The following DAB2IP variants were observed in gnomAD, a reference collection of about 807,000 sequenced individuals.
The protein encoded by DAB2IP is DAB2 interacting protein.
A neutral mutation model predicts 107.2 loss-of-function variants in DAB2IP; 28 were observed. The observed-to-expected ratio is 0.26, with a 90% CI of 0.19 to 0.36. The LOEUF (loss-of-function observed/expected upper bound fraction) is 0.36. Ranked by LOEUF, DAB2IP falls within the 10% of genes least tolerant of loss-of-function variation. The pLI is 1.00. For synonymous variants in DAB2IP, 755 were observed against 706.4 expected (o/e 1.07, Z -1.09); for missense variants, 1,400 against 1,644.7 (o/e 0.85, Z 2.57).
intron 1 of DAB2IP, among the ~76,000 whole-genome samples, chr9:121,653,434 A>G (rs1402376899): frequency 6.6e-6 from 1 of 151,980 alleles, no homozygotes; most frequent in Admixed American, 6.6e-5. Context: ...GGTCTGGGAG[A>G]CCGGGAATCT....
chr9:121,588,541 A>G, intron 1 of DAB2IP, among the ~76,000 whole-genome samples: 2 of 109,908 alleles, frequency 1.8e-5, no homozygotes, highest in African/African-American at 6.8e-5. Flanking sequence ...GGAAGGGGGA[A>G]AGGGGAAGGG....
upstream of DAB2IP, among the ~76,000 whole-genome samples, chr9:121,650,661 TTAA>T (rs1832707653): frequency 6.6e-6 from 1 of 152,200 alleles, no homozygotes; most frequent in African/African-American, 2.4e-5. Context: ...GGCAGGTGTC[TTAA>T]TAATTTAAAC....
rs542299312 is a variant in DAB2IP at position 121,575,623 on chromosome 9, C to G, written c.40+8395C>G. Among the ~76,000 whole-genome samples the G allele has an allele frequency of 2.0e-5, 3 of 152,258 alleles. No individual in the cohort carries two copies. In the East Asian group the frequency reaches 5.8e-4, roughly 29 times the overall value. On this transcript the variant is annotated intron_variant, in intron 1 of 16. Coordinates refer to the DAB2IP transcript ENST00000259371. ...ATGGCTGCCACAGCCCTCCTTATTC[C>G]AAAGAGGCAGGTGGACCCCACACAT... is the stretch of plus-strand genomic sequence containing the variant.
At chr9:121,632,551 C>T (rs1831934909) in intron 1 of DAB2IP, among the ~76,000 whole-genome samples, 1 of 152,158 alleles carries the variant, frequency 6.6e-6, no homozygotes, top group Non-Finnish European at 1.5e-5. Flanking sequence ...CCCTCACCTC[C>T]TCTGCCCAGC....
intron 11 of DAB2IP, among the ~76,000 whole-genome samples, chr9:121,771,982 C>T (rs766848906): frequency 3.4e-4 from 52 of 152,188 alleles, no homozygotes; most frequent in Non-Finnish European, 6.2e-4. Flanking sequence ...CAGAGAAAAG[C>T]GTAGAATGAG....
At chr9:121,739,566 G>A (rs540389455) in intron 3 of DAB2IP, among the ~76,000 whole-genome samples, 1 of 152,312 alleles carries the variant, frequency 6.6e-6, no homozygotes, top group East Asian at 1.9e-4. Context: ...GGAGTAAACA[G>A]GTATGAGGGA....
chr9:121,671,685 T>G (rs1564146907), intron 1 of DAB2IP, among the ~76,000 whole-genome samples: 1 of 152,240 alleles, frequency 6.6e-6, no homozygotes. Context: ...TGCAACTGAT[T>G]TTTTTCACTC....
At chr9:121,590,223 T>C (rs1019329418) in intron 1 of DAB2IP, among the ~76,000 whole-genome samples, 1 of 150,298 alleles carries the variant, frequency 6.7e-6, no homozygotes, top group African/African-American at 2.5e-5. Context: ...CTACTTATGC[T>C]CCGTGACCGT....
At chr9:121,769,368 CAT>C (rs1834531703) in intron 10 of DAB2IP, among the ~76,000 whole-genome samples, 1 of 151,962 alleles carries the variant, frequency 6.6e-6, no homozygotes, top group African/African-American at 2.4e-5. Context: ...CGCACACACA[CAT>C]GCAGGCGCAC....
intron 1 of DAB2IP, among the ~76,000 whole-genome samples, chr9:121,653,663 C>A (rs891579322): frequency 1.3e-5 from 2 of 152,188 alleles, no homozygotes; most frequent in South Asian, 4.2e-4. Flanking sequence ...CTCAGAAATG[C>A]CCTGTGTGAC....
Position 121,699,161 on chromosome 9 carries a change from G to A in DAB2IP, c.229-164G>A, listed in dbSNP as rs1186837107. ...GGGCCGGGCCGTCGGCGCTCGGTCG[G>A]CGGGCGGGCGGCGCGGGCCGCGAGC... On this transcript the variant is annotated intron_variant, in intron 2 of 15. Transcript: ENST00000408936. The surrounding 1 kb of genome is among the most constrained non-coding windows in gnomAD (Gnocchi z 6.2). Among the ~76,000 whole-genome samples the A allele has an allele frequency of 6.9e-6, 1 of 144,892 alleles. No homozygotes were observed. The highest frequency in any genetic ancestry group is 1.5e-5 in the Non-Finnish European group (1 of 65,480).
chr9:121,774,151 C>G, intron 12 of DAB2IP, 109 bp from the exon 13 acceptor site: 1 of 1,262,764 alleles, frequency 7.9e-7, no homozygotes, highest in South Asian at 1.7e-5. Flanking sequence ...GTCCCCTCTT[C>G]CCACCGTGTC....
chr9:121,578,722 CTTTTTTTTTTTTTTTTTT>C (rs749525264), intron 1 of DAB2IP, among the ~76,000 whole-genome samples: 7 of 47,430 alleles, frequency 1.5e-4, no homozygotes, highest in African/African-American at 5.4e-4. Context: ...CGGCCTATGT[CTTTTTTTTTTTTTTTTTT>C]TTTTTTTTTT....
chr9:121,768,289 G>C (rs28501196), intron 9 of DAB2IP, 143 bp from the exon 10 acceptor site: 2 of 859,022 alleles, frequency 2.3e-6, no homozygotes, highest in Admixed American at 1.9e-5. Context: ...ACCTGGGTCA[G>C]AGCATATTCA....
In DAB2IP at chr9:121,661,396, G is replaced by A. The variant is rs557661298; in HGVS notation, c.124+9497G>A. 2.6e-5 allele frequency among the ~76,000 whole-genome samples: 4 copies of A among 152,176 alleles called. No homozygotes were observed. The South Asian group carries it at 8.3e-4, about 32-fold the overall frequency. On this transcript the variant is annotated intron_variant, in intron 1 of 15. Coordinates refer to ENST00000408936, the Ensembl canonical transcript of DAB2IP. ...TCTAGAAACCTGTTCACAATTGTAG[G>A]TTTAGCAGCACACAGGGTGGGGTAA...
At chr9:121,731,019 T>C (rs1410677918) in intron 3 of DAB2IP, among the ~76,000 whole-genome samples, 1 of 152,232 alleles carries the variant, frequency 6.6e-6, no homozygotes, top group East Asian at 1.9e-4. Context: ...ATACCTTTCC[T>C]GATTCCCTGC....
chr9:121,620,868 G>A (rs1831437510), intron 1 of DAB2IP, among the ~76,000 whole-genome samples: 1 of 152,170 alleles, frequency 6.6e-6, no homozygotes, highest in Non-Finnish European at 1.5e-5. Context: ...AACACAGACT[G>A]TAAACCTCCC....
At chr9:121,668,932 T>TTTC (rs869303901) in intron 1 of DAB2IP, among the ~76,000 whole-genome samples, 41 of 134,478 alleles carry the variant, frequency 3.0e-4, no homozygotes, top group Admixed American at 5.6e-4. Context: ...TTTTTTTTTT[T>TTTC]GGAGACAGAG....
In DAB2IP at chr9:121,651,789, G is replaced by T; in HGVS notation, c.14G>T (p.Gly5Val). The T allele has an allele frequency of 7.1e-7, 1 of 1,400,666 alleles. No homozygotes were observed. The highest frequency in any genetic ancestry group is 9.3e-7 in the Non-Finnish European group (1 of 1,071,092). 86.8% of individuals were successfully genotyped at this position (1,400,666 alleles called of 1,614,324 possible). ...GCGGGCGGCAGCATGTCCGCGGGCG[G>T]CAGCGCCAGGAAGAGCACCGGGAGG... The change falls in exon 1 of 16, where the codon GGC becomes GTC. Residue 5 changes from glycine (G) to valine (V), a missense_variant. Gly to Val is a moderately radical substitution (Grantham distance 109). Transcript: ENST00000408936. The surrounding 1 kb of genome is among the most constrained non-coding windows in gnomAD (Gnocchi z 5.1).
Sources: gnomAD v4.1 joint callset for allele counts (sites outside exome capture counted in the v4.1 genomes callset) on GRCh38, gnomAD v4.1.1 for gene constraint, Gnocchi (gnomAD v3.1) non-coding constraint, MANE v1.5 for transcripts, NCBI Gene and HGNC (gene_info 2026-07-23, HGNC 2026-07-21) for gene names.